The following RIMS1 variants were observed in gnomAD, a reference collection of about 807,000 sequenced individuals.
RIMS1 encodes regulating synaptic membrane exocytosis protein 1.
A neutral mutation model predicts 214.1 loss-of-function variants in RIMS1; 83 were observed. The observed-to-expected ratio is 0.39, with a 90% CI of 0.32 to 0.47. The LOEUF (loss-of-function observed/expected upper bound fraction) is 0.47. Among genes scored for constraint, RIMS1 ranks in the 20% least tolerant of loss-of-function variants. The pLI is 0.99. For missense variants in RIMS1, 2,050 were observed against 2,161.8 expected, an observed-to-expected ratio of 0.95 and a Z score of 1.03; for synonymous variants, 793 against 786.8, an observed-to-expected ratio of 1.01 and a Z score of -0.13.
intron 4 of RIMS1, among the ~76,000 whole-genome samples, chr6:72,113,532 A>AATAACTTTTAG: frequency 6.6e-6 from 1 of 152,272 alleles, no homozygotes. Context: ...CTGCCAATTG[A>AATAACTTTTAG]ATAACTTTTA....
intron 4 of RIMS1, among the ~76,000 whole-genome samples, chr6:72,110,452 C>A (rs1266747896): frequency 4.7e-5 from 7 of 150,344 alleles, no homozygotes; most frequent in Middle Eastern, 3.4e-3. Context: ...GTATTTTATT[C>A]TCTTTGAAGC....
intron 29 of RIMS1, among the ~76,000 whole-genome samples, chr6:72,369,770 T>G (rs2098157761): frequency 6.6e-6 from 1 of 152,186 alleles, no homozygotes; most frequent in South Asian, 2.1e-4. Flanking sequence ...AGTTGACACA[T>G]CAGAAAACCC....
intron 12 of RIMS1, among the ~76,000 whole-genome samples, chr6:72,249,829 A>T (rs1412201382): frequency 6.6e-6 from 1 of 152,124 alleles, no homozygotes; most frequent in South Asian, 2.1e-4. Context: ...GCCTGTATAA[A>T]ATAGGCCCAC....
At chr6:72,006,180 A>G (rs1260887295) in intron 2 of RIMS1, among the ~76,000 whole-genome samples, 1 of 152,084 alleles carries the variant, frequency 6.6e-6, no homozygotes. Context: ...TGCCCTCATG[A>G]TCTAATTACC....
Position 72,124,299 on chromosome 6 carries a change from C to T in RIMS1, c.471+24313C>T, listed in dbSNP as rs915442932. On this transcript the variant is annotated intron_variant, in intron 4 of 33. Transcript: ENST00000521978. ...TTTCTTTAAGAATGTTGAATATTGGCCCCCACTCTCTTCTGGCTTGTAGAG... is the reference window on the plus strand; with the variant it reads ...TTTCTTTAAGAATGTTGAATATTGGTCCCCACTCTCTTCTGGCTTGTAGAG... Among the ~76,000 whole-genome samples the T allele has an allele frequency of 5.3e-5, 8 of 150,626 alleles. 1 individual carries two copies. Among genetic ancestry groups the T allele is most frequent in the Non-Finnish European group, 1.2e-4 (8 of 67,850 alleles).
intron 2 of RIMS1, among the ~76,000 whole-genome samples, chr6:71,999,054 T>C (rs1015755832): frequency 1.3e-5 from 2 of 152,130 alleles, no homozygotes; most frequent in African/African-American, 4.8e-5. Context: ...ATGTTTTTTC[T>C]ACTTTTTAAT....
Position 72,364,587 on chromosome 6 carries a change from G to C in RIMS1, c.4367-26011G>C, listed in dbSNP as rs181162442. Among the ~76,000 whole-genome samples the C allele has an allele frequency of 8.3e-4, 126 of 152,250 alleles. 2 individuals are homozygous for C. The highest frequency in any genetic ancestry group is 2.9e-3 in the African/African-American group (121 of 41,540). On this transcript the variant is annotated intron_variant, in intron 29 of 33. Transcript: ENST00000521978. ...CCTCCAGCCTTACAAAGTAGAGTAA[G>C]CTTCTCTTTGGCAACTGTGTTGGTC...
At chr6:71,961,443 C>CAA (rs1385541128) in intron 1 of RIMS1, among the ~76,000 whole-genome samples, 1 of 152,046 alleles carries the variant, frequency 6.6e-6, no homozygotes, top group Non-Finnish European at 1.5e-5. Flanking sequence ...TGGGTAATTA[C>CAA]TCACCTAGAT....
In RIMS1 at chr6:72,345,896, G is replaced by T. The variant is rs867873427; in HGVS notation, c.4366+12061G>T. ...GAAAGGACCACATTTGCCAATTCTG[G>T]CAGTGTTGAGCTTGGGACCATCATA... On this transcript the variant is annotated intron_variant, in intron 29 of 33. Coordinates refer to ENST00000521978, the MANE Select transcript of RIMS1 (RefSeq NM_014989.7). Among the ~76,000 whole-genome samples the T allele has an allele frequency of 9.2e-5, 14 of 151,842 alleles. No homozygotes were observed. In the Middle Eastern group the frequency reaches 0.02, roughly 221 times the overall value.
chr6:72,002,344 T>C (rs564670744), intron 2 of RIMS1, among the ~76,000 whole-genome samples: 1 of 150,766 alleles, frequency 6.6e-6, no homozygotes, highest in Non-Finnish European at 1.5e-5. Context: ...ATGTATAGAA[T>C]ATGAAAGGTG....
In RIMS1 at chr6:72,242,437, G is replaced by A; in HGVS notation, c.2081G>A (p.Gly694Asp). 1.9e-6 allele frequency: 3 copies of A among 1,541,720 alleles called. No homozygotes were observed. Among genetic ancestry groups the A allele is most frequent in the Non-Finnish European group, 2.6e-6 (3 of 1,144,562 alleles). ...QVEIIVSRPIGDIPRIPESSH... is the reference protein window; with the variant it reads ...QVEIIVSRPIDDIPRIPESSH... ...GAAATTATTGTTTCAAGGCCTATTG[G>A]GTAAGGCTAAAAAAACTTACTTCTT... Residue 694 changes from glycine (G) to aspartate (D), a missense_variant and splice_region_variant, in exon 10 of 34, where the codon GGT becomes GAT. Transcript: ENST00000521978.
intron 4 of RIMS1, among the ~76,000 whole-genome samples, chr6:72,137,024 AC>A (rs2041398290): frequency 6.6e-6 from 1 of 152,024 alleles, no homozygotes; most frequent in Non-Finnish European, 1.5e-5. Flanking sequence ...AAATAAAATA[AC>A]TAGAATAAAA....
chr6:72,306,179 A>G (rs563057973), intron 26 of RIMS1, among the ~76,000 whole-genome samples: 122 of 152,194 alleles, frequency 8.0e-4, no homozygotes, highest in Middle Eastern at 6.8e-3. Flanking sequence ...CTTGTAAACC[A>G]TTAGTCTCTT....
intron 6 of RIMS1, among the ~76,000 whole-genome samples, chr6:72,202,213 G>T (rs1251133775): frequency 2.6e-5 from 4 of 152,164 alleles, no homozygotes; most frequent in Non-Finnish European, 4.4e-5. Flanking sequence ...GTTTCCAAGG[G>T]TTACCATAAC....
intron 2 of RIMS1, among the ~76,000 whole-genome samples, chr6:72,074,243 A>C (rs1350050782): frequency 6.6e-6 from 1 of 152,200 alleles, no homozygotes; most frequent in Non-Finnish European, 1.5e-5. Flanking sequence ...CCACAAAGCA[A>C]CATTCATAAT....
At chr6:72,106,038 T>C (rs1323779392) in intron 4 of RIMS1, among the ~76,000 whole-genome samples, 2 of 152,224 alleles carry the variant, frequency 1.3e-5, no homozygotes, top group East Asian at 1.9e-4. Context: ...AAATTAGATA[T>C]GTAGATCTTA....
intron 4 of RIMS1, among the ~76,000 whole-genome samples, chr6:72,110,719 G>T (rs904265065): frequency 1.4e-4 from 21 of 151,770 alleles, no homozygotes; most frequent in African/African-American, 5.1e-4. Context: ...AATAGCCCTG[G>T]CCAGAACTTC....
intron 28 of RIMS1, among the ~76,000 whole-genome samples, chr6:72,332,910 A>G (rs998508359): frequency 1.1e-4 from 16 of 151,862 alleles, no homozygotes; most frequent in African/African-American, 3.9e-4. Context: ...TAGGAAAGAA[A>G]AAAATAAAAA....
chr6:72,040,178 G>A (rs1033045357), intron 2 of RIMS1, among the ~76,000 whole-genome samples: 2 of 152,050 alleles, frequency 1.3e-5, no homozygotes, highest in African/African-American at 4.8e-5. Context: ...AAAATGAAGA[G>A]TAGAACTACA....
Sources: gnomAD v4.1 joint callset for allele counts (sites outside exome capture counted in the v4.1 genomes callset) on GRCh38, gnomAD v4.1.1 for gene constraint, MANE v1.5 for transcripts, NCBI Gene and HGNC (gene_info 2026-07-23, HGNC 2026-07-21) for gene names.